TRAPPC10: variants seen among roughly 807,000 people sequenced by gnomAD.
TRAPPC10 encodes the protein trafficking protein particle complex subunit 10, also known as TRAPP 130 kDa subunit.
In TRAPPC10, 23 loss-of-function variants were observed where a neutral mutation model predicts 125.5. The ratio of observed to expected loss-of-function variants is 0.18; its 90% CI spans 0.13 to 0.26. TRAPPC10 has a LOEUF of 0.26. Among genes scored for constraint, TRAPPC10 ranks in the 10% least tolerant of loss-of-function variants. TRAPPC10 has a pLI of 1.00. For synonymous variants in TRAPPC10, 509 were observed against 518.0 expected (o/e 0.98, Z 0.24); for missense variants, 1,123 against 1,308.4 (o/e 0.86, Z 2.19).
At chr21:44,045,570 T>C (rs1045062936) in intron 3 of TRAPPC10, among the ~76,000 whole-genome samples, 1 of 152,112 alleles carries the variant, frequency 6.6e-6, no homozygotes, top group African/African-American at 2.4e-5. Flanking sequence ...TTTTCTTTTT[T>C]TGAGAGAGTC....
At chr21:44,064,114 G>A (rs763995877) in intron 7 of TRAPPC10, among the ~76,000 whole-genome samples, 13 of 152,202 alleles carry the variant, frequency 8.5e-5, no homozygotes, top group East Asian at 1.9e-4. Context: ...TGAGGGACAC[G>A]CAGAGCTAGA....
chr21:44,020,635 A>G (rs1601553716), intron 1 of TRAPPC10, among the ~76,000 whole-genome samples: 1 of 152,224 alleles, frequency 6.6e-6, no homozygotes, highest in East Asian at 1.9e-4. Flanking sequence ...CCCTGTCTCA[A>G]AAAACAAAAA....
chr21:44,088,211 G>GT (rs1481522354), intron 17 of TRAPPC10: 3 of 461,228 alleles, frequency 6.5e-6, no homozygotes, highest in African/African-American at 3.9e-5. Context: ...CATGAGGGGC[G>GT]TAAAACTTGG....
rs761422865 is a variant in TRAPPC10, at chr21:44,094,142, G to T, written c.3077G>T (p.Arg1026Leu). 2.5e-6 allele frequency: 4 copies of T among 1,613,982 alleles called. No homozygotes were observed. The highest frequency in any genetic ancestry group is 1.7e-5 in the Admixed American group (1 of 59,988). ...TEEPPPSLHC[R>L]FSVGFSPASE... ...GAGCCTCCCCCTTCTCTGCATTGCC[G>T]GTTCTCTGTTGGATTTTCCCCAGCT... Residue 1026 changes from arginine (R) to leucine (L), a missense_variant, in exon 20 of 23, where the codon CGG becomes CTG. Transcript: ENST00000291574.
At chr21:44,065,982 G>A (rs1447930074) in intron 7 of TRAPPC10, among the ~76,000 whole-genome samples, 1 of 152,196 alleles carries the variant, frequency 6.6e-6, no homozygotes, top group African/African-American at 2.4e-5. Context: ...TTACAGGTCT[G>A]AGCTGCCCGT....
chr21:44,055,641 A>T, intron 4 of TRAPPC10, 57 bp from the exon 5 acceptor site: 1 of 1,348,396 alleles, frequency 7.4e-7, no homozygotes. Flanking sequence ...GCAGCTGCTG[A>T]GTCGTGGTGC....
At chr21:44,090,569 C>T (rs1381733637) in intron 18 of TRAPPC10, among the ~76,000 whole-genome samples, 1 of 152,130 alleles carries the variant, frequency 6.6e-6, no homozygotes, top group Non-Finnish European at 1.5e-5. Context: ...AAACAGCTGC[C>T]CTAAAGGCTT....
rs1186022464 is a variant in TRAPPC10, at chr21:44,079,597, T to C, written c.1503T>C (p.Tyr501=). The part of the protein sequence containing the change: ...RKKAPQKAEI[Y]LQGALKNYLA... ...AGGCTCCACAAAAGGCAGAAATCTA[T>C]CTTCAAGGAGCACTGAAAAACTACC... is the stretch of plus-strand genomic sequence containing the variant. Residue 501 remains tyrosine, a synonymous_variant, in exon 12 of 23, where the codon TAT becomes TAC. Coordinates refer to ENST00000291574, the MANE Select transcript of TRAPPC10 (RefSeq NM_003274.5). 11 of 1,603,672 alleles carry C rather than the reference T, an allele frequency of 6.9e-6. No individual in the cohort carries two copies. Among genetic ancestry groups the C allele is most frequent in the South Asian group, 2.3e-5 (2 of 88,804 alleles).
Position 44,089,038 on chromosome 21 carries a change from C to T in TRAPPC10, c.2770-795C>T, listed in dbSNP as rs546809597. On this transcript the variant is annotated intron_variant, in intron 17 of 22. Transcript: ENST00000291574. ...GCCGTGTTACCCCGCTCTTCCCTGG[C>T]GCTGGTGGCACCTGTGCTATGTGCC... 10 of 179,626 alleles carry T rather than the reference C, an allele frequency of 5.6e-5. 1 individual carries two copies. The highest frequency in any genetic ancestry group is 3.0e-4 in the South Asian group (4 of 13,434). 11.1% of individuals were successfully genotyped at this position (179,626 alleles called of 1,614,324 possible). A position where few individuals can be genotyped will look rare whatever the true frequency, so the allele number is the denominator to read the frequency against.
intron 19 of TRAPPC10, 138 bp downstream of exon 19, chr21:44,092,187 T>TCAGGGCAG: frequency 9.1e-7 from 1 of 1,098,794 alleles, no homozygotes; most frequent in Non-Finnish European, 1.3e-6. Flanking sequence ...GTGCAGCTCC[T>TCAGGGCAG]CCGGCTGCCC....
chr21:44,059,512 G>A lies in TRAPPC10; in HGVS notation c.790+298G>A, dbSNP rs775395974. ...CTCAGTGGCCTGCTGGTGATGCTTC[G>A]ATTCTGTCCCTCGTTAGAATCAGAG... On this transcript the variant is annotated intron_variant, in intron 6 of 22. Transcript: ENST00000291574. This position sits in a 1 kb window ranked among gnomAD's most constrained non-coding sequence, Gnocchi z 4.4. 6.6e-6 allele frequency: 5 copies of A among 756,000 alleles called. No individual in the cohort carries two copies. The highest frequency in any genetic ancestry group is 4.9e-5 in the East Asian group (2 of 40,434). The allele number at this position is 756,000 out of a possible 1,614,324, so 46.8% of individuals were successfully genotyped here.
intron 20 of TRAPPC10, 30 bp downstream of exon 20, chr21:44,094,263 G>GCA: frequency 6.3e-7 from 1 of 1,584,890 alleles, no homozygotes; most frequent in Non-Finnish European, 8.6e-7. Context: ...GGGAGGGTGG[G>GCA]GGTGAAAAAA....
Position 44,087,957 on chromosome 21 carries a change from T to C in TRAPPC10, c.2769+29T>C. Reference sequence around the variant, plus strand: ...AGTAGGGACAGTGGAGGAGCTTAGCTTGTGGGGCGTCCGCCGCCCGCCTGC... The same window carrying C: ...AGTAGGGACAGTGGAGGAGCTTAGCCTGTGGGGCGTCCGCCGCCCGCCTGC... On this transcript the variant is annotated intron_variant, in intron 17 of 22. Transcript: ENST00000291574. The surrounding 1 kb of genome is among the most constrained non-coding windows in gnomAD (Gnocchi z 4.6). 1 of 1,571,658 alleles carries C rather than the reference T, an allele frequency of 6.4e-7. No homozygotes were observed. Among genetic ancestry groups the C allele is most frequent in the South Asian group, 1.1e-5 (1 of 88,528 alleles).
chr21:44,064,203 G>T (rs1408256888), intron 7 of TRAPPC10, among the ~76,000 whole-genome samples: 1 of 152,154 alleles, frequency 6.6e-6, no homozygotes, highest in African/African-American at 2.4e-5. Context: ...CAGATAAATA[G>T]TTTTGCACAT....
intron 7 of TRAPPC10, among the ~76,000 whole-genome samples, chr21:44,073,982 T>TA (rs2037082099): frequency 5.6e-5 from 8 of 143,772 alleles, no homozygotes; most frequent in South Asian, 2.3e-4. Flanking sequence ...TTTCCTTTTT[T>TA]TAAAAAAAAA....
intron 15 of TRAPPC10, among the ~76,000 whole-genome samples, chr21:44,086,145 C>T (rs562380778): frequency 2.6e-5 from 4 of 152,242 alleles, no homozygotes; most frequent in Non-Finnish European, 5.9e-5. Flanking sequence ...CTGCCCTCCC[C>T]ATGGCCCAGC....
chr21:44,073,524 TTC>T (rs1320021649), intron 7 of TRAPPC10, among the ~76,000 whole-genome samples: 1 of 152,108 alleles, frequency 6.6e-6, no homozygotes, highest in African/African-American at 2.4e-5. Context: ...TGATAGTGTT[TTC>T]TTTTTTTTGT....
intron 6 of TRAPPC10, among the ~76,000 whole-genome samples, chr21:44,061,211 A>T (rs996159482): frequency 6.6e-6 from 1 of 152,052 alleles, no homozygotes; most frequent in African/African-American, 2.4e-5. Flanking sequence ...ATCTCGGCTC[A>T]CTGCAACCTC....
At chr21:44,027,275 C>T (rs1325206295) in intron 1 of TRAPPC10, among the ~76,000 whole-genome samples, 2 of 152,144 alleles carry the variant, frequency 1.3e-5, no homozygotes, top group African/African-American at 4.8e-5. Flanking sequence ...ACTGACTGAA[C>T]ATTCTGTTTT....
Sources: gnomAD v4.1 joint callset for allele counts (sites outside exome capture counted in the v4.1 genomes callset) on GRCh38, gnomAD v4.1.1 for gene constraint, Gnocchi (gnomAD v3.1) non-coding constraint, MANE v1.5 for transcripts, NCBI Gene and HGNC (gene_info 2026-07-23, HGNC 2026-07-21) for gene names.